LPP: variants seen among roughly 807,000 people sequenced by gnomAD.
LPP encodes the protein LIM domain containing preferred translocation partner in lipoma, also known as lipoma-preferred partner.
A neutral mutation model predicts 60.4 loss-of-function variants in LPP; 38 were observed. The observed-to-expected ratio is 0.63, with a 90% CI of 0.49 to 0.83. LPP has a LOEUF of 0.83. Among genes scored for constraint, LPP ranks in the 40% least tolerant of loss-of-function variants. The pLI, the probability that LPP is intolerant of heterozygous loss-of-function variation, is 0.00. For missense variants in LPP, 902 were observed against 783.6 expected, an observed-to-expected ratio of 1.15 and a Z score of -1.80; for synonymous variants, 328 against 290.8, an observed-to-expected ratio of 1.13 and a Z score of -1.30.
intron 2 of LPP, among the ~76,000 whole-genome samples, chr3:188,276,919 T>G (rs80222416): frequency 0.02 from 2,280 of 114,022 alleles, 73 homozygotes; most frequent in African/African-American, 0.05. Flanking sequence ...TTTTTTTTTT[T>G]GGAGAGACAG....
At chr3:188,447,692 T>C (rs1795577748) in intron 4 of LPP, among the ~76,000 whole-genome samples, 1 of 149,076 alleles carries the variant, frequency 6.7e-6, no homozygotes, top group Admixed American at 6.7e-5. Context: ...GGAGAATCAC[T>C]TAAAACCCGG....
chr3:188,195,060 A>G (rs376535093), intron 1 of LPP, among the ~76,000 whole-genome samples: 18 of 152,140 alleles, frequency 1.2e-4, no homozygotes, highest in African/African-American at 3.4e-4. Context: ...GGAGTTCAAG[A>G]CCAGCCTGGC....
intron 3 of LPP, among the ~76,000 whole-genome samples, chr3:188,385,922 A>T (rs1297583996): frequency 6.6e-6 from 1 of 152,160 alleles, no homozygotes; most frequent in African/African-American, 2.4e-5. Flanking sequence ...TTATGCATTT[A>T]ACCCCAAAAT....
intron 1 of LPP, among the ~76,000 whole-genome samples, chr3:188,163,258 G>A (rs1233900267): frequency 6.6e-6 from 1 of 152,160 alleles, no homozygotes. Flanking sequence ...GTGAAACCAG[G>A]TCTTCTTCAG....
intron 2 of LPP, among the ~76,000 whole-genome samples, chr3:188,299,918 T>C (rs1363104863): frequency 6.6e-6 from 1 of 152,206 alleles, no homozygotes; most frequent in Admixed American, 6.5e-5. Flanking sequence ...CTCTGAGTTG[T>C]TGAATGGCTC....
At position 188,889,071 on chromosome 3, in the gene LPP, T is replaced by C; in HGVS notation, c.*14592T>C. 4.4e-6 allele frequency: 1 copy of C among 224,868 alleles called. No homozygotes were observed. Among genetic ancestry groups the C allele is most frequent in the Non-Finnish European group, 8.9e-6 (1 of 112,604 alleles). The allele number at this position is 224,868 out of a possible 1,614,324, so 13.9% of individuals were successfully genotyped here. A position where few individuals can be genotyped will look rare whatever the true frequency, so the allele number is the denominator to read the frequency against. On this transcript the variant is annotated 3_prime_UTR_variant, in exon 12 of 12. Coordinates refer to ENST00000617246, the MANE Select transcript of LPP (RefSeq NM_001375462.1). ...GAGTGTTAAAGTGTCAGCACATTCCTTCTCCTTTTGTCTCTCAGGCTAACA... is the reference window on the plus strand; with the variant it reads ...GAGTGTTAAAGTGTCAGCACATTCCCTCTCCTTTTGTCTCTCAGGCTAACA...
intron 6 of LPP, among the ~76,000 whole-genome samples, chr3:188,550,380 C>A (rs577805457): frequency 6.6e-6 from 1 of 151,866 alleles, no homozygotes; most frequent in South Asian, 2.1e-4. Context: ...AGATCGAGAC[C>A]ATCCTGGCTA....
chr3:188,182,112 C>T lies in LPP; in HGVS notation c.-190+27860C>T, dbSNP rs1725189376. ...CTAACTCCTCGTGAGTCTTTCCAGC[C>T]TCAGCACATTTCCTGAGTGGTGCTT... On this transcript the variant is annotated intron_variant, in intron 1 of 11. Coordinates refer to ENST00000617246, the MANE Select transcript of LPP (RefSeq NM_001375462.1). The surrounding 1 kb of genome is among the most constrained non-coding windows in gnomAD (Gnocchi z 4.4). Among the ~76,000 whole-genome samples the T allele has an allele frequency of 6.6e-6, 1 of 152,194 alleles. No homozygotes were observed. Among genetic ancestry groups the T allele is most frequent in the Admixed American group, 6.5e-5 (1 of 15,278 alleles).
In LPP at chr3:188,685,474, T is replaced by C. The variant is rs569581815; in HGVS notation, c.1114-22793T>C. Among the ~76,000 whole-genome samples the C allele has an allele frequency of 1.1e-4, 16 of 152,216 alleles. No individual in the cohort carries two copies. In the South Asian group the frequency reaches 3.1e-3, roughly 30 times the overall value. ...TAGAAGATAAGATTGAAAACAAATTTAGTGCCAAAATCTGAGGGACCTTGA... is the reference window on the plus strand; with the variant it reads ...TAGAAGATAAGATTGAAAACAAATTCAGTGCCAAAATCTGAGGGACCTTGA... On this transcript the variant is annotated intron_variant, in intron 7 of 11. Coordinates refer to ENST00000617246, the MANE Select transcript of LPP (RefSeq NM_001375462.1).
chr3:188,300,976 A>G (rs1033733541), intron 2 of LPP, among the ~76,000 whole-genome samples: 5 of 151,908 alleles, frequency 3.3e-5, no homozygotes, highest in African/African-American at 9.7e-5. Context: ...TTTGTCATGG[A>G]TTTATCCCTT....
At chr3:188,312,069 C>A (rs1753636487) in intron 2 of LPP, among the ~76,000 whole-genome samples, 1 of 151,950 alleles carries the variant, frequency 6.6e-6, no homozygotes, top group Admixed American at 6.6e-5. Context: ...TTTACTTCTC[C>A]CACCCAGAGG....
intron 2 of LPP, among the ~76,000 whole-genome samples, chr3:188,316,977 T>C (rs540373158): frequency 3.9e-5 from 6 of 152,294 alleles, no homozygotes; most frequent in South Asian, 2.1e-4. Flanking sequence ...CACAGACTTG[T>C]GTATTTGCTG....
intron 8 of LPP, among the ~76,000 whole-genome samples, chr3:188,714,572 A>C (rs568737443): frequency 6.7e-6 from 1 of 150,012 alleles, no homozygotes; most frequent in East Asian, 2.0e-4. Flanking sequence ...GGGACCCTTA[A>C]CTGTCTCAGC....
In LPP at chr3:188,724,506, G is replaced by C. The variant is rs541996231; in HGVS notation, c.1240+16113G>C. 3.9e-5 allele frequency among the ~76,000 whole-genome samples: 6 copies of C among 152,286 alleles called. No homozygotes were observed. In the East Asian group the frequency reaches 1.2e-3, roughly 29 times the overall value. ...ATACAGGTACACCATCTCTTTGTTT[G>C]CTCTGTACCAGATGTCTGCTGAGAC... On this transcript the variant is annotated intron_variant, in intron 8 of 11. Transcript: ENST00000617246.
At chr3:188,444,075 C>T (rs1330698330) in intron 4 of LPP, among the ~76,000 whole-genome samples, 2 of 152,160 alleles carry the variant, frequency 1.3e-5, no homozygotes, top group Non-Finnish European at 2.9e-5. Context: ...TGTGTTTTTC[C>T]TCTCTTCATT....
intron 1 of LPP, among the ~76,000 whole-genome samples, chr3:188,161,646 C>T (rs1718320310): frequency 1.3e-5 from 2 of 152,184 alleles, no homozygotes; most frequent in South Asian, 4.1e-4. Flanking sequence ...AGTTGGGTCA[C>T]AGCCTTTACT....
chr3:188,729,108 T>C (rs925631645), intron 8 of LPP, among the ~76,000 whole-genome samples: 1 of 152,134 alleles, frequency 6.6e-6, no homozygotes, highest in Admixed American at 6.5e-5. Flanking sequence ...AGGAATAAAA[T>C]GTTTCCAAGT....
intron 8 of LPP, among the ~76,000 whole-genome samples, chr3:188,752,002 C>T (rs1241184976): frequency 1.3e-5 from 2 of 152,166 alleles, no homozygotes; most frequent in African/African-American, 4.8e-5. Flanking sequence ...CATTGACTGT[C>T]ATCTTTAGAG....
intron 7 of LPP, among the ~76,000 whole-genome samples, chr3:188,652,340 G>C (rs1004134125): frequency 2.6e-5 from 4 of 152,008 alleles, no homozygotes; most frequent in African/African-American, 9.7e-5. Flanking sequence ...TTCCTTGGAG[G>C]TTTCTCTATT....
Sources: gnomAD v4.1 joint callset for allele counts (sites outside exome capture counted in the v4.1 genomes callset) on GRCh38, gnomAD v4.1.1 for gene constraint, Gnocchi (gnomAD v3.1) non-coding constraint, MANE v1.5 for transcripts, NCBI Gene and HGNC (gene_info 2026-07-23, HGNC 2026-07-21) for gene names.